The following MECOM variants were observed in gnomAD, a reference collection of about 807,000 sequenced individuals.
MECOM encodes the protein MDS1 and EVI1 complex locus.
Under a neutral mutation model 116.3 loss-of-function variants are expected in MECOM, and 13 were observed. That is an observed-to-expected ratio of 0.11 (90% CI 0.07 to 0.18). MECOM has a LOEUF of 0.18. Ranked by LOEUF, MECOM falls within the 10% of genes least tolerant of loss-of-function variation. The probability of loss-of-function intolerance (pLI) is 1.00; values close to 1 mark genes in which losing one functional copy is unlikely to be tolerated. For missense variants in MECOM, 1,299 were observed against 1,509.0 expected, an observed-to-expected ratio of 0.86 and a Z score of 2.31; for synonymous variants, 528 against 535.2, an observed-to-expected ratio of 0.99 and a Z score of 0.19.
chr3:169,302,976 C>G (rs1249242419), intron 2 of MECOM, among the ~76,000 whole-genome samples: 1 of 152,066 alleles, frequency 6.6e-6, no homozygotes, highest in East Asian at 1.9e-4. Flanking sequence ...ACTGAGGAGT[C>G]CTCTTTCAGA....
At chr3:169,175,022 A>G (rs1294124227) in intron 2 of MECOM, among the ~76,000 whole-genome samples, 1 of 152,206 alleles carries the variant, frequency 6.6e-6, no homozygotes, top group African/African-American at 2.4e-5. Flanking sequence ...TATAGAGAAT[A>G]GATACTAGAG....
At chr3:169,393,808 A>ATAATCAAT (rs1241678491) in intron 1 of MECOM, among the ~76,000 whole-genome samples, 5 of 152,156 alleles carry the variant, frequency 3.3e-5, no homozygotes, top group African/African-American at 1.2e-4. Context: ...AAACCTCAGG[A>ATAATCAAT]TAATCAATTG....
At chr3:169,612,193 A>G (rs986907257) in intron 1 of MECOM, among the ~76,000 whole-genome samples, 8 of 152,336 alleles carry the variant, frequency 5.3e-5, no homozygotes, top group African/African-American at 1.9e-4. Context: ...GATATTTGGT[A>G]TTTATGTTAA....
chr3:169,294,485 G>A (rs1389326295), intron 2 of MECOM, among the ~76,000 whole-genome samples: 2 of 152,130 alleles, frequency 1.3e-5, no homozygotes, highest in Non-Finnish European at 1.5e-5. Context: ...AGACTCAAGA[G>A]GGGCAGAAGC....
rs748021716 is a variant in MECOM at position 169,121,099 on chromosome 3, G to A, written c.1089C>T (p.Leu363=). 11 of 1,613,564 alleles carry A rather than the reference G, an allele frequency of 6.8e-6. No homozygotes were observed. The highest frequency in any genetic ancestry group is 9.3e-6 in the Non-Finnish European group (11 of 1,179,796). The change falls in exon 7 of 17, where the codon CTC becomes CTT. Residue 363 remains leucine, a synonymous_variant. Coordinates refer to ENST00000651503, the MANE Select transcript of MECOM (RefSeq NM_004991.4). The part of the protein sequence containing the change: ...CGKTFATSSG[L]KQHKHIHSSV... Reference sequence around the variant, plus strand: ...TGCTGTGGATGTGCTTGTGTTGTTTGAGGCCCGACGAAGTGGCAAACGTTT... The same window carrying A: ...TGCTGTGGATGTGCTTGTGTTGTTTAAGGCCCGACGAAGTGGCAAACGTTT...
At chr3:169,568,905 C>A (rs560459766) in intron 1 of MECOM, among the ~76,000 whole-genome samples, 1 of 152,212 alleles carries the variant, frequency 6.6e-6, no homozygotes, top group South Asian at 2.1e-4. Flanking sequence ...TTGTAAAGAC[C>A]ATTGACACTA....
intron 2 of MECOM, among the ~76,000 whole-genome samples, chr3:169,195,629 A>G (rs745708931): frequency 3.3e-5 from 5 of 152,042 alleles, no homozygotes; most frequent in Non-Finnish European, 5.9e-5. Flanking sequence ...CAGGTAAGAC[A>G]AGAACTACCA....
intron 2 of MECOM, among the ~76,000 whole-genome samples, chr3:169,243,238 A>G (rs1035387189): frequency 1.2e-4 from 18 of 152,260 alleles, no homozygotes; most frequent in Admixed American, 8.5e-4. Flanking sequence ...TACTCCCCCA[A>G]GTGTCAGTAA....
chr3:169,560,219 G>A (rs538573243), intron 1 of MECOM, among the ~76,000 whole-genome samples: 1 of 152,222 alleles, frequency 6.6e-6, no homozygotes, highest in African/African-American at 2.4e-5. Flanking sequence ...CTTTAGCTCT[G>A]GAAAATTATC....
chr3:169,102,000 A>G (rs9290358), intron 11 of MECOM, 60 bp downstream of exon 11: 1,450,494 of 1,509,212 alleles, frequency 0.96, 697,332 homozygotes, highest in East Asian at 0.99. Flanking sequence ...AAACAGCAAG[A>G]CCTTTTGAAA....
chr3:169,263,305 T>C (rs10804831), intron 2 of MECOM, among the ~76,000 whole-genome samples: 1 of 150,890 alleles, frequency 6.6e-6, no homozygotes, highest in Non-Finnish European at 1.5e-5. Flanking sequence ...ATCTTTTGTA[T>C]TTTTAGTAGA....
At chr3:169,159,314 C>G (rs1219996008) in intron 2 of MECOM, among the ~76,000 whole-genome samples, 1 of 152,112 alleles carries the variant, frequency 6.6e-6, no homozygotes, top group Non-Finnish European at 1.5e-5. Context: ...CATTCCAGGA[C>G]TCTGGGACGC....
intron 1 of MECOM, among the ~76,000 whole-genome samples, chr3:169,431,370 T>C (rs891753684): frequency 9.9e-5 from 15 of 152,208 alleles, no homozygotes; most frequent in Admixed American, 8.5e-4. Context: ...CTTGCATAGA[T>C]GTCCTGATAA....
chr3:169,416,553 C>CA (rs1359943411), intron 1 of MECOM, among the ~76,000 whole-genome samples: 1 of 148,116 alleles, frequency 6.8e-6, no homozygotes, highest in Non-Finnish European at 1.5e-5. Context: ...AATAGAGACA[C>CA]AAAAAAACTC....
chr3:169,277,891 T>C (rs1234997176), intron 2 of MECOM, among the ~76,000 whole-genome samples: 3 of 152,236 alleles, frequency 2.0e-5, no homozygotes, highest in Non-Finnish European at 4.4e-5. Flanking sequence ...CTGTACCATC[T>C]GCTCCAGAAA....
intron 3 of MECOM, among the ~76,000 whole-genome samples, chr3:169,135,326 AC>A (rs1486265350): frequency 6.6e-6 from 1 of 152,032 alleles, no homozygotes; most frequent in Non-Finnish European, 1.5e-5. Context: ...TAATGAATAT[AC>A]CCCCAATAAA....
intron 11 of MECOM, 110 bp downstream of exon 11, chr3:169,101,950 G>T: frequency 3.1e-6 from 3 of 981,686 alleles, no homozygotes; most frequent in South Asian, 2.1e-5. Context: ...GATCTATTAT[G>T]GTGGCTATTA....
intron 1 of MECOM, among the ~76,000 whole-genome samples, chr3:169,639,834 A>C (rs1773242752): frequency 6.6e-6 from 1 of 152,254 alleles, no homozygotes; most frequent in African/African-American, 2.4e-5. Flanking sequence ...GCACTATATC[A>C]GTCAGAATAG....
At chr3:169,117,874 T>G (rs916814959) in intron 7 of MECOM, among the ~76,000 whole-genome samples, 20 of 151,214 alleles carry the variant, frequency 1.3e-4, no homozygotes, top group Admixed American at 4.0e-4. Flanking sequence ...AGCATCACAT[T>G]TTTTATTTTA....
Sources: allele counts gnomAD v4.1 joint callset (sites outside exome capture counted in the v4.1 genomes callset), GRCh38; gene constraint gnomAD v4.1.1; transcripts MANE v1.5; gene names NCBI Gene and HGNC (gene_info 2026-07-23, HGNC 2026-07-21).